ULK3: variants seen among roughly 807,000 people sequenced by gnomAD.
The protein encoded by ULK3 is serine/threonine-protein kinase ULK3.
Under a neutral mutation model 69.4 loss-of-function variants are expected in ULK3, and 54 were observed. The observed-to-expected ratio is 0.78, with a 90% confidence interval of 0.63 to 0.98. ULK3 has a LOEUF of 0.98. Among genes scored for constraint, ULK3 ranks in the 50% least tolerant of loss-of-function variants. The probability of loss-of-function intolerance (pLI) is 0.00; values close to 1 mark genes in which losing one functional copy is unlikely to be tolerated. For missense variants in ULK3, 558 were observed against 627.7 expected (o/e 0.89, Z 1.19); for synonymous variants, 240 against 254.5 (o/e 0.94, Z 0.54).
Position 74,838,483 on chromosome 15 carries a change from C to T in ULK3, c.1124G>A (p.Arg375His), listed in dbSNP as rs762326528. 9.5e-6 allele frequency: 15 copies of T among 1,577,872 alleles called. No individual in the cohort carries two copies. Among genetic ancestry groups the T allele is most frequent in the East Asian group, 2.3e-5 (1 of 42,794 alleles). ...AGCCACTTCCAGGGCAGCTAGGAGGCGTGGCTTGTCCCGGGCCATCTCTGA... is the reference window on the plus strand; with the variant it reads ...AGCCACTTCCAGGGCAGCTAGGAGGTGTGGCTTGTCCCGGGCCATCTCTGA... Reference protein sequence around the residue: ...LLREMARDKPRLLAALEVASA... With the variant: ...LLREMARDKPHLLAALEVASA... Residue 375 changes from arginine to histidine, a missense_variant, in exon 11 of 16, where the codon CGC (arginine) becomes CAC (histidine). By Grantham distance (29) the Arg-to-His change is conservative (BLOSUM62 0). Coordinates refer to ENST00000440863, the MANE Select transcript of ULK3 (RefSeq NM_001099436.4).
In ULK3 at chr15:74,840,296, G is replaced by C. The variant is rs2064198314; in HGVS notation, c.634C>G (p.Pro212Ala). 3.1e-6 allele frequency: 5 copies of C among 1,610,344 alleles called. No individual in the cohort carries two copies. In the African/African-American group the frequency reaches 4.0e-5, roughly 13 times the overall value. Residue 212 changes from proline to alanine, a missense_variant, in exon 6 of 16, where the codon CCC becomes GCC. Physicochemically the swap from Pro to Ala is conservative, Grantham distance 27 (BLOSUM62 -1). Transcript: ENST00000440863. ...ILYEALFGQP[P>A]FASRSFSELE... ...TCCGAGAACGACCTGGAGGCAAAGGGGGGCTGCCCGAAGAGGGCTTCTGTG... is the reference window on the plus strand; with the variant it reads ...TCCGAGAACGACCTGGAGGCAAAGGCGGGCTGCCCGAAGAGGGCTTCTGTG...
At chr15:74,839,159 AT>A in intron 8 of ULK3, 108 bp downstream of exon 8, 1 of 1,531,468 alleles carries the variant, frequency 6.5e-7, no homozygotes, top group Middle Eastern at 1.7e-4. Flanking sequence ...GCTCTGCTTT[AT>A]CGCCTACAAA....
rs1488688468 is a variant in ULK3, at chr15:74,839,719, G to A, written c.697-6C>T. 2.0e-6 allele frequency: 3 copies of A among 1,536,374 alleles called. No individual in the cohort carries two copies. In the South Asian group the frequency reaches 3.7e-5, roughly 19 times the overall value. On this transcript the variant is annotated splice_region_variant and splice_polypyrimidine_tract_variant and intron_variant, in intron 6 of 15. Coordinates refer to ENST00000440863, the MANE Select transcript of ULK3 (RefSeq NM_001099436.4). ...AGCAGGGGCCGCAAGGGGAGCTGCA[G>A]GGAAGGGAACGGCAGGGACAGATCA...
chr15:74,840,068 C>A (rs1054681848), intron 6 of ULK3, among the ~76,000 whole-genome samples, 166 bp downstream of exon 6: 1 of 152,170 alleles, frequency 6.6e-6, no homozygotes, highest in Non-Finnish European at 1.5e-5. Context: ...GACCTGAGGC[C>A]CTGGGACAGC....
Position 74,837,051 on chromosome 15 carries a change from T to G in ULK3, c.*177A>C. On this transcript the variant is annotated 3_prime_UTR_variant, in exon 16 of 16. Transcript: ENST00000440863. ...TACAGCACAGCCATCAAACCATCTG[T>G]GGGGTGCAGAGTAACCTGAGGGAGG... 1.3e-6 allele frequency: 1 copy of G among 799,700 alleles called. No individual in the cohort carries two copies. Among genetic ancestry groups the G allele is most frequent in the Non-Finnish European group, 1.9e-6 (1 of 525,088 alleles). The allele number at this position is 799,700 out of a possible 1,614,324, so 49.5% of individuals were successfully genotyped here.
At chr15:74,837,339 A>G (rs764287378) in intron 15 of ULK3, 30 bp downstream of exon 15, 7 of 1,612,852 alleles carry the variant, frequency 4.3e-6, no homozygotes, top group Non-Finnish European at 4.2e-6. Context: ...CCCTCCTTGG[A>G]TGGAGGATCG....
In ULK3 at chr15:74,842,706, A is replaced by G; in HGVS notation, c.103-286T>C. 2 of 1,533,348 alleles carry G rather than the reference A, an allele frequency of 1.3e-6. No homozygotes were observed. Among genetic ancestry groups the G allele is most frequent in the Non-Finnish European group, 8.7e-7 (1 of 1,145,028 alleles). 95.0% of individuals were successfully genotyped at this position (1,533,348 alleles called of 1,614,324 possible). A position where few individuals can be genotyped will look rare whatever the true frequency, so the allele number is the denominator to read the frequency against. Reference sequence around the variant, plus strand: ...TGCTCCCGGCAGAGGCATGTCACTCAGGGTTCTAGAACCGCCCACTCTGCC... The same window carrying G: ...TGCTCCCGGCAGAGGCATGTCACTCGGGGTTCTAGAACCGCCCACTCTGCC... On this transcript the variant is annotated intron_variant, in intron 1 of 15. Coordinates refer to ENST00000440863, the MANE Select transcript of ULK3 (RefSeq NM_001099436.4). The surrounding 1 kb of genome is among the most constrained non-coding windows in gnomAD (Gnocchi z 4.9).
At chr15:74,840,879 C>A (rs881536) in intron 4 of ULK3, among the ~76,000 whole-genome samples, 20,030 of 152,056 alleles carry the variant, frequency 0.13, 1,536 homozygotes, top group East Asian at 0.38. Flanking sequence ...CCTGATCACA[C>A]CAGCTACCTG....
intron 7 of ULK3, 40 bp from the exon 8 acceptor site, chr15:74,839,413 C>T (rs913617067): frequency 1.3e-6 from 2 of 1,548,164 alleles, no homozygotes; most frequent in African/African-American, 1.4e-5. Context: ...CACCTCCCTA[C>T]CCTCCCACAC....
Position 74,842,767 on chromosome 15 carries a change from C to A in ULK3, c.102+237G>T. ...CTCCAGTCCCAGACTCCTCCCAGCCCACCAGGTAACCTGTTTTGAGCCTGT... is the reference window on the plus strand; with the variant it reads ...CTCCAGTCCCAGACTCCTCCCAGCCAACCAGGTAACCTGTTTTGAGCCTGT... On this transcript the variant is annotated intron_variant, in intron 1 of 15. Transcript: ENST00000440863. The surrounding 1 kb of genome is among the most constrained non-coding windows in gnomAD (Gnocchi z 4.9). 6.7e-7 allele frequency: 1 copy of A among 1,494,036 alleles called. No individual in the cohort carries two copies. Among genetic ancestry groups the A allele is most frequent in the Non-Finnish European group, 8.9e-7 (1 of 1,121,306 alleles). 92.5% of individuals were successfully genotyped at this position (1,494,036 alleles called of 1,614,324 possible).
Position 74,838,254 on chromosome 15 carries a change from GGGGGCCC to G in ULK3, c.1246+5_1246+11del. On this transcript the variant is annotated splice_donor_5th_base_variant and intron_variant, in intron 12 of 15. Transcript: ENST00000440863. ...CAGAGGCCCTGTGGGGGGCATAAAT[GGGGGCCC>G]TCACCTGCCAGCAACAGCAGTAGCT... 1 of 1,562,160 alleles carries G rather than the reference GGGGGCCC, an allele frequency of 6.4e-7. No individual in the cohort carries two copies. Among genetic ancestry groups the G allele is most frequent in the East Asian group, 2.4e-5 (1 of 41,714 alleles).
rs751821735 is a variant in ULK3 at position 74,839,258 on chromosome 15, T to A, written c.958+10A>T. The A allele has an allele frequency of 6.4e-7, 1 of 1,553,780 alleles. No homozygotes were observed. Among genetic ancestry groups the A allele is most frequent in the African/African-American group, 1.4e-5 (1 of 73,168 alleles). Reference sequence around the variant, plus strand: ...GCACCCACGGGCTTCAGGCATGGCCTGGGACTCACAGTGCAGGGCAGGTAC... The same window carrying A: ...GCACCCACGGGCTTCAGGCATGGCCAGGGACTCACAGTGCAGGGCAGGTAC... On this transcript the variant is annotated intron_variant, in intron 8 of 15. Coordinates refer to ENST00000440863, the MANE Select transcript of ULK3 (RefSeq NM_001099436.4).
rs561268142 is a variant in ULK3 at position 74,840,147 on chromosome 15, G to C, written c.696+87C>G. 4.8e-6 allele frequency: 7 copies of C among 1,462,312 alleles called. No homozygotes were observed. The East Asian group carries it at 1.7e-4, about 36-fold the overall frequency. The allele number at this position is 1,462,312 out of a possible 1,614,324, so 90.6% of individuals were successfully genotyped here. ...AAGGCAGCCTGGAGCCCATACTCCA[G>C]TCTCTGCAGGTCAGAACGAGGTCTA... On this transcript the variant is annotated intron_variant, in intron 6 of 15. Transcript: ENST00000440863.
intron 10 of ULK3, 25 bp from the exon 11 acceptor site, chr15:74,838,529 G>T: frequency 6.4e-7 from 1 of 1,567,758 alleles, no homozygotes; most frequent in Non-Finnish European, 8.6e-7. Flanking sequence ...AAGGCTCAGG[G>T]TGAGGGAAGC....
chr15:74,840,598 G>C lies in ULK3; in HGVS notation c.513C>G (p.His171Gln). ...AQHMSPWDEK[H>Q]VLRGSPLYMA... ...TGTAGAGGGGGGAGCCACGGAGCAC[G>C]TGCTTCTCATCCCACGGGGACATGT... The change falls in exon 5 of 16, where the codon CAC (histidine) becomes CAG (glutamine). Residue 171 changes from histidine to glutamine, a missense_variant. Coordinates refer to ENST00000440863, the MANE Select transcript of ULK3 (RefSeq NM_001099436.4). 6.2e-7 allele frequency: 1 copy of C among 1,604,024 alleles called. No individual in the cohort carries two copies. The highest frequency in any genetic ancestry group is 8.5e-7 in the Non-Finnish European group (1 of 1,176,274).
At chr15:74,840,983 A>C (rs2064226324) in intron 4 of ULK3, among the ~76,000 whole-genome samples, 1 of 151,946 alleles carries the variant, frequency 6.6e-6, no homozygotes, top group Admixed American at 6.6e-5. Context: ...ATCAAGGGTC[A>C]CCACCTCCTA....
At chr15:74,838,094 G>A (rs2064090071) in intron 13 of ULK3, 58 bp downstream of exon 13, 1 of 1,546,382 alleles carries the variant, frequency 6.5e-7, no homozygotes, top group South Asian at 1.2e-5. Flanking sequence ...GTCCCCACAG[G>A]TAAGAGCAGA....
At chr15:74,838,110 G>C in intron 13 of ULK3, 42 bp downstream of exon 13, 2 of 1,549,326 alleles carry the variant, frequency 1.3e-6, no homozygotes, top group Non-Finnish European at 1.7e-6. Flanking sequence ...GCAGAGAAAG[G>C]GGAAGAGGAA....
chr15:74,839,745 C>T (rs1176033679), intron 6 of ULK3, 32 bp from the exon 7 acceptor site: 1 of 1,496,904 alleles, frequency 6.7e-7, no homozygotes, highest in South Asian at 1.3e-5. Context: ...GGACAGATCA[C>T]ACTGGGCTCC....
Sources: gnomAD v4.1 joint callset for allele counts (sites outside exome capture counted in the v4.1 genomes callset) on GRCh38, gnomAD v4.1.1 for gene constraint, Gnocchi (gnomAD v3.1) non-coding constraint, MANE v1.5 for transcripts, NCBI Gene and HGNC (gene_info 2026-07-23, HGNC 2026-07-21) for gene names.